CACNA1C: variants seen among roughly 807,000 people sequenced by gnomAD.
CACNA1C encodes voltage-dependent L-type calcium channel subunit alpha-1C.
Under a neutral mutation model 229.0 loss-of-function variants are expected in CACNA1C, and 30 were observed. The observed-to-expected ratio is 0.13, with a 90% CI of 0.10 to 0.18. The LOEUF is 0.18. CACNA1C is among the 10% of genes least tolerant of loss of function. CACNA1C has a pLI of 1.00. For missense variants in CACNA1C, 1,658 were observed against 2,845.0 expected, an observed-to-expected ratio of 0.58 and a Z score of 9.49; for synonymous variants, 1,114 against 1,132.5, an observed-to-expected ratio of 0.98 and a Z score of 0.33.
At chr12:2,650,876 C>T (rs916803637) in intron 31 of CACNA1C, among the ~76,000 whole-genome samples, 1 of 152,144 alleles carries the variant, frequency 6.6e-6, no homozygotes, top group East Asian at 1.9e-4. Flanking sequence ...TACGCTGCCC[C>T]TCTCCCTTCC....
rs573132104 is a variant in CACNA1C, at chr12:2,653,116, T to A, written c.4075-719T>A. ...AGTCACGGGGGCTCTGGAAAATTAG[T>A]TGTCTGAGTTGCCAGGCAGATAATG... On this transcript the variant is annotated intron_variant, in intron 32 of 46. Transcript: ENST00000399655. This position sits in a 1 kb window ranked among gnomAD's most constrained non-coding sequence, Gnocchi z 4.7. 1.3e-5 allele frequency among the ~76,000 whole-genome samples: 2 copies of A among 152,234 alleles called. No individual in the cohort carries two copies. The highest frequency in any genetic ancestry group is 2.9e-5 in the Non-Finnish European group (2 of 68,032).
intron 3 of CACNA1C, among the ~76,000 whole-genome samples, chr12:2,434,418 G>C (rs1048864937): frequency 1.3e-5 from 2 of 152,188 alleles, no homozygotes; most frequent in African/African-American, 4.8e-5. Context: ...TCTGCAACAA[G>C]ATATTCTCTC....
intron 3 of CACNA1C, among the ~76,000 whole-genome samples, chr12:2,329,006 A>AT (rs547065464): frequency 3.4e-4 from 51 of 152,142 alleles, no homozygotes; most frequent in Admixed American, 1.5e-3. Context: ...TCTCGGATTG[A>AT]TTTTTTCAGG....
At chr12:1,988,372 T>C (rs902691606) in intron 1 of CACNA1C, among the ~76,000 whole-genome samples, 5 of 152,206 alleles carry the variant, frequency 3.3e-5, no homozygotes, top group African/African-American at 1.2e-4. Flanking sequence ...AAGTGATACA[T>C]ATCACTTTCA....
In CACNA1C at chr12:2,411,000, T is replaced by G. The variant is rs2098801307; in HGVS notation, c.478-37976T>G. On this transcript the variant is annotated intron_variant, in intron 3 of 46. Transcript: ENST00000399655. This position sits in a 1 kb window ranked among gnomAD's most constrained non-coding sequence, Gnocchi z 5.3. ...ATGAGAGGCCCAGTACCTGTAAGAC[T>G]ACCAGGCTCCATCACTCTCCAGAGA... 6.6e-6 allele frequency among the ~76,000 whole-genome samples: 1 copy of G among 152,104 alleles called. No homozygotes were observed. Among genetic ancestry groups the G allele is most frequent in the South Asian group, 2.1e-4 (1 of 4,822 alleles).
chr12:2,552,488 A>G (rs1276125944), intron 10 of CACNA1C, among the ~76,000 whole-genome samples: 1 of 152,216 alleles, frequency 6.6e-6, no homozygotes. Flanking sequence ...CAGACCCTTA[A>G]CCGTTTGGGT....
chr12:2,134,282 A>T (rs2092904203), intron 3 of CACNA1C, among the ~76,000 whole-genome samples: 2 of 33,126 alleles, frequency 6.0e-5, no homozygotes, highest in African/African-American at 2.7e-4. Flanking sequence ...TGTGTCTTTT[A>T]ATTGGAGCAT....
intron 38 of CACNA1C, among the ~76,000 whole-genome samples, chr12:2,669,313 A>G (rs1471804212): frequency 1.3e-5 from 2 of 150,962 alleles, no homozygotes; most frequent in African/African-American, 4.9e-5. Context: ...CACACATAAA[A>G]TACACTAACG....
intron 1 of CACNA1C, among the ~76,000 whole-genome samples, chr12:2,092,744 T>C (rs1045950619): frequency 6.6e-6 from 1 of 152,206 alleles, no homozygotes; most frequent in Non-Finnish European, 1.5e-5. Context: ...TTAATCCTTA[T>C]TATATTATCC....
chr12:2,590,702 T>C (rs1199977695), intron 18 of CACNA1C, among the ~76,000 whole-genome samples: 1 of 152,156 alleles, frequency 6.6e-6, no homozygotes, highest in Admixed American at 6.5e-5. Context: ...CTCGTGCAGA[T>C]GTAAGAGCCT....
rs192749597 is a variant in CACNA1C at position 2,679,712 on chromosome 12, C to T, written c.5360C>T (p.Thr1787Met). 1,039 of 1,610,588 alleles carry T rather than the reference C, an allele frequency of 6.5e-4. 3 individuals are homozygous for T. In the African/African-American group the frequency reaches 0.011, roughly 17 times the overall value. ...RLPRPAGYPSTVSTVEGHGPP... is the reference protein window; with the variant it reads ...RLPRPAGYPSMVSTVEGHGPP... ...CCTCGCCCCGCCGGCTACCCCAGCA[C>T]GGTCAGCACTGTGGAGGGCCACGGG... Residue 1787 changes from threonine to methionine, a missense_variant, in exon 42 of 47, where the codon ACG becomes ATG. Around this residue, in one of 20 missense-constraint regions of CACNA1C, gnomAD observed 590 missense variants for 700.8 expected, o/e 0.84. Coordinates refer to ENST00000399655, the MANE Select transcript of CACNA1C (RefSeq NM_000719.7). This position sits in a 1 kb window ranked among gnomAD's most constrained non-coding sequence, Gnocchi z 5.5.
At chr12:2,213,339 C>G (rs1212921895) in intron 3 of CACNA1C, among the ~76,000 whole-genome samples, 1 of 152,042 alleles carries the variant, frequency 6.6e-6, no homozygotes, top group Non-Finnish European at 1.5e-5. Context: ...CAGATTTTGG[C>G]CACCACTATC....
In CACNA1C at chr12:2,504,420, T is replaced by C. The variant is rs780604576; in HGVS notation, c.1114-422T>C. On this transcript the variant is annotated intron_variant, in intron 7 of 46. Transcript: ENST00000399655. The surrounding 1 kb of genome is among the most constrained non-coding windows in gnomAD (Gnocchi z 6.8). ...AATTCTGCTTCTTCTTTCCTAACTT[T>C]CCTTCGTCTTTCCAGATGCAGGACG... 5 of 1,475,280 alleles carry C rather than the reference T, an allele frequency of 3.4e-6. No homozygotes were observed. The highest frequency in any genetic ancestry group is 4.7e-6 in the Non-Finnish European group (5 of 1,054,026). The allele number at this position is 1,475,280 out of a possible 1,614,324, so 91.4% of individuals were successfully genotyped here.
chr12:2,565,386 G>C (rs1457002061), intron 11 of CACNA1C, among the ~76,000 whole-genome samples: 1 of 150,566 alleles, frequency 6.6e-6, no homozygotes, highest in Non-Finnish European at 1.5e-5. Flanking sequence ...AGAATGGCGT[G>C]AACCCGGGAA....
chr12:2,031,737 T>TA (rs2048257210), intron 1 of CACNA1C, among the ~76,000 whole-genome samples: 1 of 152,192 alleles, frequency 6.6e-6, no homozygotes, highest in African/African-American at 2.4e-5. Context: ...TACTATACAG[T>TA]AAGGAATGCT....
rs777816507 is a variant in CACNA1C, at chr12:2,666,804, G to C, written c.4623+22G>C. 2.8e-6 allele frequency: 4 copies of C among 1,412,610 alleles called. No homozygotes were observed. The highest frequency in any genetic ancestry group is 3.9e-6 in the Non-Finnish European group (4 of 1,013,076). The allele number at this position is 1,412,610 out of a possible 1,614,324, so 87.5% of individuals were successfully genotyped here. A position where few individuals can be genotyped will look rare whatever the true frequency, so the allele number is the denominator to read the frequency against. The stretch of plus-strand genomic sequence containing the variant: ...CAAAGTAAGAGATAACGGGGTTCAT[G>C]GGAGGGAGAGGGAAAATAGGGGAAG... On this transcript the variant is annotated intron_variant, in intron 37 of 46. Transcript: ENST00000399655. This position sits in a 1 kb window ranked among gnomAD's most constrained non-coding sequence, Gnocchi z 5.3.
At chr12:2,351,219 G>T (rs947130274) in intron 3 of CACNA1C, among the ~76,000 whole-genome samples, 3 of 152,158 alleles carry the variant, frequency 2.0e-5, no homozygotes, top group African/African-American at 7.2e-5. Flanking sequence ...TAGCAGTCAC[G>T]CCGTACCCCC....
rs1314600144 is a variant in CACNA1C at position 2,006,186 on chromosome 12, G to A, written c.139+34985G>A. ...GCACTTTGGGAGGCTGAGGCGGGCG[G>A]ATCACAAGGTCAGTAGTTCAAGACC... On this transcript the variant is annotated intron_variant, in intron 1 of 46. Coordinates refer to the CACNA1C transcript ENST00000682462. 6.6e-5 allele frequency among the ~76,000 whole-genome samples: 10 copies of A among 152,224 alleles called. No individual in the cohort carries two copies. The East Asian group carries it at 1.2e-3, about 18-fold the overall frequency.
intron 3 of CACNA1C, among the ~76,000 whole-genome samples, chr12:2,420,321 G>A (rs2098965820): frequency 6.6e-6 from 1 of 152,134 alleles, no homozygotes; most frequent in Non-Finnish European, 1.5e-5. Flanking sequence ...TTGGACCAGG[G>A]AGATGCCACC....
Sources: allele counts gnomAD v4.1 joint callset (sites outside exome capture counted in the v4.1 genomes callset), GRCh38; gene constraint gnomAD v4.1.1; regional missense constraint gnomAD v4.1.1; non-coding constraint Gnocchi (gnomAD v3.1); transcripts MANE v1.5; gene names NCBI Gene and HGNC (gene_info 2026-07-23, HGNC 2026-07-21).